The following CHL1 variants were observed in gnomAD, a reference collection of about 807,000 sequenced individuals.
CHL1 encodes the protein cell adhesion molecule L1 like.
CHL1 carries 96 observed loss-of-function variants against 141.9 expected under a neutral mutation model. The observed-to-expected ratio is 0.68, with a 90% confidence interval of 0.57 to 0.80. The LOEUF (loss-of-function observed/expected upper bound fraction) is 0.80. Among genes scored for constraint, CHL1 ranks in the 30% least tolerant of loss-of-function variants. The probability of loss-of-function intolerance (pLI) is 0.00; values close to 1 mark genes in which losing one functional copy is unlikely to be tolerated. For missense variants in CHL1, 1,820 were observed against 1,457.2 expected (o/e 1.25, Z -4.05); for synonymous variants, 613 against 502.2 (o/e 1.22, Z -2.95).
chr3:238,791 G>GC (rs1559317749), intron 1 of CHL1, among the ~76,000 whole-genome samples: 8 of 150,102 alleles, frequency 5.3e-5, no homozygotes, highest in African/African-American at 2.0e-4. Flanking sequence ...AAAATAGCTG[G>GC]ATGTGGTGGC....
At chr3:358,501 C>A (rs1179625197) in intron 11 of CHL1, among the ~76,000 whole-genome samples, 1 of 152,154 alleles carries the variant, frequency 6.6e-6, no homozygotes, top group Non-Finnish European at 1.5e-5. Context: ...CATTCTGGGA[C>A]TTAGAACGTG....
At chr3:362,718 G>C (rs998384040) in intron 13 of CHL1, among the ~76,000 whole-genome samples, 1 of 152,152 alleles carries the variant, frequency 6.6e-6, no homozygotes, top group East Asian at 1.9e-4. Flanking sequence ...CTGAATGTTG[G>C]AGGAAATGGC....
intron 2 of CHL1, among the ~76,000 whole-genome samples, chr3:274,176 C>T (rs1695886410): frequency 6.6e-6 from 1 of 152,158 alleles, no homozygotes; most frequent in African/African-American, 2.4e-5. Flanking sequence ...ACTAACTAAC[C>T]TATACATCCT....
At chr3:311,307 T>C (rs745658008) in intron 2 of CHL1, among the ~76,000 whole-genome samples, 72 of 152,280 alleles carry the variant, frequency 4.7e-4, no homozygotes, top group African/African-American at 1.6e-3. Context: ...CTGTACTCCA[T>C]TGTGACTGCT....
At chr3:217,244 G>A (rs1336598193) in intron 1 of CHL1, among the ~76,000 whole-genome samples, 1 of 152,082 alleles carries the variant, frequency 6.6e-6, no homozygotes, top group Non-Finnish European at 1.5e-5. Context: ...AAGAAAACAG[G>A]TCTCTCCAAG....
Position 224,329 on chromosome 3 carries a change from G to C in CHL1, c.-174-20284G>C, listed in dbSNP as rs1304283435. On this transcript the variant is annotated intron_variant, in intron 1 of 27. Transcript: ENST00000256509. The stretch of plus-strand genomic sequence containing the variant: ...TGAGAAGCAAGATGGAGTCAGCTAT[G>C]TCAGATTTCTCTTTGATATAGTTTG... Among the ~76,000 whole-genome samples the C allele has an allele frequency of 2.6e-5, 4 of 152,218 alleles. No homozygotes were observed. The East Asian group carries it at 7.7e-4, about 29-fold the overall frequency.
In CHL1 at chr3:360,325, A is replaced by G; in HGVS notation, c.1207A>G (p.Ser403Gly). 1 of 1,613,866 alleles carries G rather than the reference A, an allele frequency of 6.2e-7. No individual in the cohort carries two copies. Among genetic ancestry groups the G allele is most frequent in the Non-Finnish European group, 8.5e-7 (1 of 1,179,830 alleles). ...TGATGTTGTCTTCCCCAGGGAAATCAGTTTTACCAACCTTCAACCAAATCA... is the reference window on the plus strand; with the variant it reads ...TGATGTTGTCTTCCCCAGGGAAATCGGTTTTACCAACCTTCAACCAAATCA... The part of the protein sequence containing the change: ...AGDVVFPREI[S>G]FTNLQPNHTA... The change falls in exon 12 of 28, where the codon AGT becomes GGT. Residue 403 changes from serine (S) to glycine (G), a missense_variant. Coordinates refer to ENST00000256509, the MANE Select transcript of CHL1 (RefSeq NM_006614.4).
In CHL1 at chr3:406,413, T is replaced by C. The variant is rs1709535865; in HGVS notation, c.*702T>C. 5 of 151,810 alleles carry C rather than the reference T, an allele frequency of 3.3e-5. No homozygotes were observed. The South Asian group carries it at 1.0e-3, about 32-fold the overall frequency. The allele number at this position is 151,810 out of a possible 1,614,324, so 9.4% of individuals were successfully genotyped here. ...CTTTTTGTGTCTGTTTTTTTTTTTT[T>C]TCTTGGACTAAATTCAACTGCATGG... On this transcript the variant is annotated 3_prime_UTR_variant, in exon 28 of 28. Transcript: ENST00000256509.
chr3:365,727 C>T (rs912005191), intron 14 of CHL1, among the ~76,000 whole-genome samples: 1 of 152,136 alleles, frequency 6.6e-6, no homozygotes, highest in Non-Finnish European at 1.5e-5. Context: ...GAGGGAAATT[C>T]CTAAACTATT....
At chr3:279,513 T>C (rs1386991650) in intron 2 of CHL1, among the ~76,000 whole-genome samples, 2 of 151,962 alleles carry the variant, frequency 1.3e-5, no homozygotes, top group African/African-American at 2.4e-5. Context: ...AGGGAACAAA[T>C]GGTGCTGTTC....
At chr3:245,491 G>A (rs938732447) in intron 2 of CHL1, among the ~76,000 whole-genome samples, 11 of 152,058 alleles carry the variant, frequency 7.2e-5, no homozygotes, top group Non-Finnish European at 1.2e-4. Context: ...TTAGTATCAC[G>A]ACTAGTTTTT....
intron 5 of CHL1, among the ~76,000 whole-genome samples, chr3:339,759 C>G (rs1559278917): frequency 1.3e-5 from 2 of 152,088 alleles, no homozygotes; most frequent in African/African-American, 4.8e-5. Flanking sequence ...AGGAAGTGCA[C>G]AAAGCTTCTC....
At chr3:284,089 G>C (rs1184835205) in intron 2 of CHL1, among the ~76,000 whole-genome samples, 1 of 152,174 alleles carries the variant, frequency 6.6e-6, no homozygotes, top group Non-Finnish European at 1.5e-5. Flanking sequence ...ATACATTCGT[G>C]AAATGTAAGT....
At chr3:205,116 T>TTTC (rs1699301878) in intron 1 of CHL1, among the ~76,000 whole-genome samples, 1 of 150,516 alleles carries the variant, frequency 6.6e-6, no homozygotes, top group Non-Finnish European at 1.5e-5. Context: ...TTTTTTTTTT[T>TTTC]TTTGGAGATA....
At chr3:366,653 C>T (rs1704930568) in intron 15 of CHL1, among the ~76,000 whole-genome samples, 2 of 147,122 alleles carry the variant, frequency 1.4e-5, no homozygotes, top group Non-Finnish European at 3.0e-5. Context: ...TCTAAGTAAC[C>T]GAGGAAGAAT....
chr3:237,689 A>C (rs62228321), intron 1 of CHL1, among the ~76,000 whole-genome samples: 77,990 of 152,032 alleles, frequency 0.51, 21,495 homozygotes, highest in Non-Finnish European at 0.62. Flanking sequence ...GTTTAATCTT[A>C]TGTAAAATTA....
intron 10 of CHL1, among the ~76,000 whole-genome samples, chr3:353,077 A>G (rs1435247809): frequency 6.6e-6 from 1 of 152,200 alleles, no homozygotes; most frequent in Non-Finnish European, 1.5e-5. Flanking sequence ...TGTCTGTAAG[A>G]TGAAAGGATT....
intron 2 of CHL1, among the ~76,000 whole-genome samples, chr3:273,614 G>A (rs945769379): frequency 6.6e-6 from 1 of 151,950 alleles, no homozygotes; most frequent in South Asian, 2.1e-4. Context: ...TCTGTGCAAG[G>A]CCAAATGTAA....
rs538678469 is a variant in CHL1, at chr3:265,263, C to G, written c.-95+20571C>G. Among the ~76,000 whole-genome samples, 186 of 152,294 alleles carry G rather than the reference C, an allele frequency of 1.2e-3. 1 individual carries two copies. The highest frequency in any genetic ancestry group is 3.4e-3 in the African/African-American group (143 of 41,574). ...CTCAACATTTCTGTGTCTCAACTAC[C>G]TTATCTATAAAATGGAAATACTTGC... On this transcript the variant is annotated intron_variant, in intron 2 of 27. Transcript: ENST00000256509.
Sources: allele counts gnomAD v4.1 joint callset (sites outside exome capture counted in the v4.1 genomes callset), GRCh38; gene constraint gnomAD v4.1.1; transcripts MANE v1.5; gene names NCBI Gene and HGNC (gene_info 2026-07-23, HGNC 2026-07-21).